The following CNOT7 variants were observed in gnomAD, a reference collection of about 807,000 sequenced individuals.
CNOT7 encodes BTG1-binding factor 1.
Under a neutral mutation model 37.1 loss-of-function variants are expected in CNOT7, and 4 were observed. The observed-to-expected ratio is 0.11, with a 90% CI of 0.05 to 0.25. The LOEUF (loss-of-function observed/expected upper bound fraction) is 0.25, where lower values mean the gene tolerates loss of function less well. Among genes scored for constraint, CNOT7 ranks in the 10% least tolerant of loss-of-function variants. The pLI, the probability that CNOT7 is intolerant of heterozygous loss-of-function variation, is 1.00. For synonymous variants in CNOT7, 128 were observed against 115.6 expected, an observed-to-expected ratio of 1.11 and a Z score of -0.69; for missense variants, 170 against 336.2, an observed-to-expected ratio of 0.51 and a Z score of 3.87.
rs1376310943 is a variant in CNOT7, at chr8:17,230,192, A to C, written c.*528T>G. Reference sequence around the variant, plus strand: ...GTGCTATATTCTGTGGGTCAAAACCAAGTAAATACTGTGTAAAGTTGGCAG... The same window carrying C: ...GTGCTATATTCTGTGGGTCAAAACCCAGTAAATACTGTGTAAAGTTGGCAG... On this transcript the variant is annotated 3_prime_UTR_variant, in exon 7 of 7. Coordinates refer to ENST00000361272, the MANE Select transcript of CNOT7 (RefSeq NM_013354.7). The C allele has an allele frequency of 6.6e-6, 1 of 152,542 alleles. No individual in the cohort carries two copies. Among genetic ancestry groups the C allele is most frequent in the African/African-American group, 2.4e-5 (1 of 41,452 alleles). The allele number at this position is 152,542 out of a possible 1,614,324, so 9.4% of individuals were successfully genotyped here. A position where few individuals can be genotyped will look rare whatever the true frequency, so the allele number is the denominator to read the frequency against.
chr8:17,246,753 C>T lies in CNOT7; in HGVS notation c.-174G>A. 1 of 186,316 alleles carries T rather than the reference C, an allele frequency of 5.4e-6. No individual in the cohort carries two copies. The highest frequency in any genetic ancestry group is 1.1e-5 in the Non-Finnish European group (1 of 90,010). The allele number at this position is 186,316 out of a possible 1,614,324, so 11.5% of individuals were successfully genotyped here. ...TCGGCGGCGGTGGCGGTGGCGGTGG[C>T]GGTAGCGGCGGCGGCAGCGGGTGCC... On this transcript the variant is annotated 5_prime_UTR_variant, in exon 1 of 7. Coordinates refer to ENST00000361272, the MANE Select transcript of CNOT7 (RefSeq NM_013354.7).
At position 17,226,787 on chromosome 8, in the gene CNOT7, T is replaced by C. The variant is rs149744582; in HGVS notation, c.*3933A>G. Reference sequence around the variant, plus strand: ...TACCATATTATGTTGTTGTACCTTGTAATTTCAGGTCAAATTCATTAAGAA... The same window carrying C: ...TACCATATTATGTTGTTGTACCTTGCAATTTCAGGTCAAATTCATTAAGAA... On this transcript the variant is annotated 3_prime_UTR_variant, in exon 7 of 7. Coordinates refer to ENST00000361272, the MANE Select transcript of CNOT7 (RefSeq NM_013354.7). 9 of 151,876 alleles carry C rather than the reference T, an allele frequency of 5.9e-5. No homozygotes were observed. In the East Asian group the frequency reaches 1.3e-3, roughly 23 times the overall value. 9.4% of individuals were successfully genotyped at this position (151,876 alleles called of 1,614,324 possible).
chr8:17,243,310 A>T, intron 2 of CNOT7, 125 bp from the exon 3 acceptor site: 1 of 731,282 alleles, frequency 1.4e-6, no homozygotes, highest in Non-Finnish European at 2.3e-6. Flanking sequence ...ATTCAATTAC[A>T]AAGTATATTT....
rs1194693709 is a variant in CNOT7, at chr8:17,232,551, A to C, written c.619-14T>G. The C allele has an allele frequency of 6.2e-7, 1 of 1,602,870 alleles. No individual in the cohort carries two copies. Among genetic ancestry groups the C allele is most frequent in the Admixed American group, 1.8e-5 (1 of 56,134 alleles). On this transcript the variant is annotated splice_polypyrimidine_tract_variant and intron_variant, in intron 5 of 6. Transcript: ENST00000361272. ...CTGTAATCCACCCTAGAAAAAATAA[A>C]AAATTGCTTGTCAAGAAGAAAAATC...
At chr8:17,235,211 A>C (rs1444222935) in intron 4 of CNOT7, among the ~76,000 whole-genome samples, 1 of 152,238 alleles carries the variant, frequency 6.6e-6, no homozygotes, top group African/African-American at 2.4e-5. Flanking sequence ...TTTTTAAAGT[A>C]ACTATGGAAA....
chr8:17,230,136 T>A lies in CNOT7; in HGVS notation c.*584A>T, dbSNP rs1334517326. ...CTCCTCAGTAGTTTCTTGTCTTTTT[T>A]AAGTTTCGCTGAATCGACAGTTTGC... is the stretch of plus-strand genomic sequence containing the variant. On this transcript the variant is annotated 3_prime_UTR_variant, in exon 7 of 7. Transcript: ENST00000361272. 1 of 152,522 alleles carries A rather than the reference T, an allele frequency of 6.6e-6. No homozygotes were observed. Among genetic ancestry groups the A allele is most frequent in the Non-Finnish European group, 1.5e-5 (1 of 67,940 alleles). The allele number at this position is 152,522 out of a possible 1,614,324, so 9.4% of individuals were successfully genotyped here.
chr8:17,232,634 C>G, intron 5 of CNOT7, 97 bp from the exon 6 acceptor site: 1 of 1,018,382 alleles, frequency 9.8e-7, no homozygotes, highest in South Asian at 1.5e-5. Context: ...TAAAAATAAA[C>G]TTTAGTATGT....
chr8:17,239,886 C>T (rs928521858), intron 3 of CNOT7, among the ~76,000 whole-genome samples: 1 of 152,228 alleles, frequency 6.6e-6, no homozygotes, highest in Non-Finnish European at 1.5e-5. Context: ...CTCATCAGTA[C>T]TCCACTTCAA....
Position 17,234,864 on chromosome 8 carries a change from T to C in CNOT7, c.474-4A>G, listed in dbSNP as rs751984455. The C allele has an allele frequency of 1.9e-6, 3 of 1,612,152 alleles. No individual in the cohort carries two copies. The African/African-American group carries it at 4.0e-5, about 22-fold the overall frequency. On this transcript the variant is annotated splice_region_variant and splice_polypyrimidine_tract_variant and intron_variant, in intron 4 of 6. Coordinates refer to ENST00000361272, the MANE Select transcript of CNOT7 (RefSeq NM_013354.7). ...TAAGTAGCCAAAGTCGTAACCGCTA[T>C]AAAAGGGTTAAAAGAATAGAGAAGA...
intron 6 of CNOT7, chr8:17,231,477 A>G: frequency 1.0e-6 from 1 of 968,016 alleles, no homozygotes; most frequent in African/African-American, 1.8e-5. Flanking sequence ...CGTGTCATGA[A>G]TGGATAGTCC....
chr8:17,233,690 G>C (rs1292216146), intron 5 of CNOT7, among the ~76,000 whole-genome samples: 1 of 152,168 alleles, frequency 6.6e-6, no homozygotes, highest in African/African-American at 2.4e-5. Flanking sequence ...ATACCCTACT[G>C]CAAGTTCACT....
At chr8:17,236,804 A>G (rs1647180911) in intron 4 of CNOT7, among the ~76,000 whole-genome samples, 1 of 152,212 alleles carries the variant, frequency 6.6e-6, no homozygotes, top group Non-Finnish European at 1.5e-5. Context: ...CTAGAATCTC[A>G]TCTCAGTGCC....
At chr8:17,243,954 A>G (rs1250340498) in intron 2 of CNOT7, among the ~76,000 whole-genome samples, 1 of 152,234 alleles carries the variant, frequency 6.6e-6, no homozygotes, top group Non-Finnish European at 1.5e-5. Context: ...ATACTGAGAC[A>G]AAGATACATC....
At chr8:17,230,943 C>G in intron 6 of CNOT7, 95 bp from the exon 7 acceptor site, 1 of 853,144 alleles carries the variant, frequency 1.2e-6, no homozygotes, top group Non-Finnish European at 1.8e-6. Context: ...TGACTGTTCA[C>G]TGACAATAAT....
At chr8:17,240,236 C>T (rs1016002761) in intron 3 of CNOT7, among the ~76,000 whole-genome samples, 4 of 152,344 alleles carry the variant, frequency 2.6e-5, no homozygotes, top group African/African-American at 9.6e-5. Context: ...TAAACATCTC[C>T]TAACATCAGT....
chr8:17,233,465 C>A (rs988857207), intron 5 of CNOT7, among the ~76,000 whole-genome samples: 1 of 152,156 alleles, frequency 6.6e-6, no homozygotes, highest in Non-Finnish European at 1.5e-5. Flanking sequence ...TGTCGTTAAC[C>A]TGAATTTTAA....
intron 3 of CNOT7, among the ~76,000 whole-genome samples, chr8:17,238,215 A>G (rs1809643475): frequency 6.6e-6 from 1 of 152,220 alleles, no homozygotes. Context: ...AATACGTGAA[A>G]AAGTGTTTTT....
intron 6 of CNOT7, chr8:17,231,538 T>C (rs1472623616): frequency 5.1e-6 from 5 of 985,034 alleles, no homozygotes; most frequent in Non-Finnish European, 6.0e-6. Context: ...TTTAATGCTT[T>C]CTATTATCAA....
Position 17,231,700 on chromosome 8 carries a change from T to C in CNOT7, c.729+727A>G, listed in dbSNP as rs939185839. ...TGCACAACCAATTTTCCTGTTTACCTATAGCTAGGTGTATCTGTGCACATC... is the reference window on the plus strand; with the variant it reads ...TGCACAACCAATTTTCCTGTTTACCCATAGCTAGGTGTATCTGTGCACATC... On this transcript the variant is annotated intron_variant, in intron 6 of 6. Transcript: ENST00000361272. 4.1e-6 allele frequency: 4 copies of C among 985,322 alleles called. No individual in the cohort carries two copies. The African/African-American group carries it at 7.0e-5, about 17-fold the overall frequency. The allele number at this position is 985,322 out of a possible 1,614,324, so 61.0% of individuals were successfully genotyped here.
Sources: gnomAD v4.1 joint callset for allele counts (sites outside exome capture counted in the v4.1 genomes callset) on GRCh38, gnomAD v4.1.1 for gene constraint, MANE v1.5 for transcripts, NCBI Gene and HGNC (gene_info 2026-07-23, HGNC 2026-07-21) for gene names.